The following LRMDA variants were observed in gnomAD, a reference collection of about 807,000 sequenced individuals.
The protein encoded by LRMDA is leucine rich melanocyte differentiation associated.
A neutral mutation model predicts 29.8 loss-of-function variants in LRMDA; 18 were observed. The observed-to-expected ratio is 0.60, with a 90% CI of 0.42 to 0.90. The LOEUF is 0.90. Among genes scored for constraint, LRMDA ranks in the 40% least tolerant of loss-of-function variants. The pLI is 0.00. For synonymous variants in LRMDA, 125 were observed against 109.4 expected, an observed-to-expected ratio of 1.14 and a Z score of -0.89; for missense variants, 273 against 273.9, an observed-to-expected ratio of 1.00 and a Z score of 0.02.
intron 5 of LRMDA, among the ~76,000 whole-genome samples, chr10:76,187,712 A>G (rs1330950372): frequency 6.6e-6 from 1 of 152,058 alleles, no homozygotes; most frequent in Non-Finnish European, 1.5e-5. Context: ...TGGGGCATGA[A>G]CCTGCCAAGA....
chr10:75,456,260 G>A (rs1289155303), intron 2 of LRMDA, among the ~76,000 whole-genome samples: 6 of 152,242 alleles, frequency 3.9e-5, no homozygotes, highest in African/African-American at 2.4e-5. Context: ...GCTGTTAGAA[G>A]GGTCACGGTT....
At chr10:75,470,643 C>T (rs186764577) in intron 2 of LRMDA, among the ~76,000 whole-genome samples, 4 of 152,262 alleles carry the variant, frequency 2.6e-5, no homozygotes, top group Non-Finnish European at 4.4e-5. Context: ...CTGGCTGTGG[C>T]GTGGATGATG....
intron 5 of LRMDA, among the ~76,000 whole-genome samples, chr10:76,109,127 A>G (rs1248693726): frequency 6.6e-6 from 1 of 152,158 alleles, no homozygotes; most frequent in Non-Finnish European, 1.5e-5. Flanking sequence ...TCAGTGCTGT[A>G]GGGCCTTAGA....
chr10:75,534,923 A>G (rs929160603), intron 2 of LRMDA, among the ~76,000 whole-genome samples: 1 of 152,212 alleles, frequency 6.6e-6, no homozygotes, highest in African/African-American at 2.4e-5. Flanking sequence ...ACTATACACC[A>G]GAATTTCTCT....
At chr10:76,232,307 G>A (rs1458906491) in intron 5 of LRMDA, among the ~76,000 whole-genome samples, 1 of 152,140 alleles carries the variant, frequency 6.6e-6, no homozygotes, top group Non-Finnish European at 1.5e-5. Flanking sequence ...TGCCCTCTGA[G>A]AGTTTGATAA....
chr10:75,721,176 C>T (rs1488291762), intron 2 of LRMDA, among the ~76,000 whole-genome samples: 1 of 152,180 alleles, frequency 6.6e-6, no homozygotes, highest in African/African-American at 2.4e-5. Flanking sequence ...TTGGACCAAA[C>T]AGTTTCAAAG....
intron 5 of LRMDA, among the ~76,000 whole-genome samples, chr10:76,150,264 G>A (rs1376078681): frequency 2.6e-5 from 4 of 152,224 alleles, no homozygotes; most frequent in African/African-American, 4.8e-5. Flanking sequence ...ACTCTGAGGC[G>A]TGGACAGGCC....
intron 2 of LRMDA, among the ~76,000 whole-genome samples, chr10:75,989,128 A>G (rs1847314782): frequency 6.6e-6 from 1 of 152,194 alleles, no homozygotes; most frequent in Admixed American, 6.5e-5. Context: ...CGTTGTAGTC[A>G]TTGGGGTATC....
chr10:75,802,976 T>A lies in LRMDA; in HGVS notation c.132-233032T>A, dbSNP rs1245410975. 4.4e-3 allele frequency among the ~76,000 whole-genome samples: 630 copies of A among 141,920 alleles called. 4 individuals are homozygous for A. The highest frequency in any genetic ancestry group is 0.015 in the African/African-American group (586 of 38,690). The allele number at this position is 141,920 out of a possible 152,430, so 93.1% of individuals were successfully genotyped here. A position where few individuals can be genotyped will look rare whatever the true frequency, so the allele number is the denominator to read the frequency against. ...TGTGTATATATATATATATATATTT[T>A]TTTTTTTTTCTTAGCTCCCTTTACT... On this transcript the variant is annotated intron_variant, in intron 2 of 6. Transcript: ENST00000611255.
chr10:76,207,062 A>C (rs1851549901), intron 5 of LRMDA, among the ~76,000 whole-genome samples: 1 of 152,248 alleles, frequency 6.6e-6, no homozygotes, highest in Non-Finnish European at 1.5e-5. Flanking sequence ...GTGGTCAGGC[A>C]GAGCTGGGAT....
At chr10:76,415,315 A>G (rs981532733) in intron 6 of LRMDA, among the ~76,000 whole-genome samples, 10 of 152,230 alleles carry the variant, frequency 6.6e-5, no homozygotes, top group Admixed American at 6.5e-4. Context: ...AAGACCTGCT[A>G]CAAGGGCTTT....
At chr10:75,985,794 A>C (rs1162457863) in intron 2 of LRMDA, among the ~76,000 whole-genome samples, 1 of 152,200 alleles carries the variant, frequency 6.6e-6, no homozygotes, top group East Asian at 1.9e-4. Context: ...ATGTGAATGC[A>C]CACTGGGCAG....
chr10:75,637,850 G>A (rs912026784), intron 2 of LRMDA, among the ~76,000 whole-genome samples: 2 of 152,140 alleles, frequency 1.3e-5, no homozygotes, highest in Admixed American at 6.5e-5. Flanking sequence ...CGGCTGGCAG[G>A]AACCTGGACG....
At chr10:75,634,861 A>C (rs906387486) in intron 2 of LRMDA, among the ~76,000 whole-genome samples, 1 of 152,234 alleles carries the variant, frequency 6.6e-6, no homozygotes, top group Non-Finnish European at 1.5e-5. Context: ...ACAAATACCT[A>C]CAAATTCAGA....
chr10:76,214,920 A>G (rs142279593), intron 5 of LRMDA, among the ~76,000 whole-genome samples: 134 of 152,332 alleles, frequency 8.8e-4, no homozygotes, highest in African/African-American at 3.1e-3. Flanking sequence ...AACTCTCCAT[A>G]AATTCTGCCT....
At chr10:75,538,732 A>G (rs1226745623) in intron 2 of LRMDA, among the ~76,000 whole-genome samples, 1 of 152,190 alleles carries the variant, frequency 6.6e-6, no homozygotes, top group Non-Finnish European at 1.5e-5. Context: ...ACAAGCAAGT[A>G]TTAGGAAAAG....
intron 6 of LRMDA, among the ~76,000 whole-genome samples, chr10:76,526,578 G>A (rs764393138): frequency 1.3e-5 from 2 of 152,104 alleles, no homozygotes; most frequent in Admixed American, 6.5e-5. Context: ...AGTAGAGGAA[G>A]GCAGGATAAA....
chr10:76,543,091 T>C (rs1207058686), intron 6 of LRMDA, among the ~76,000 whole-genome samples: 5 of 152,134 alleles, frequency 3.3e-5, no homozygotes, highest in Non-Finnish European at 7.4e-5. Context: ...ACCATAGTGC[T>C]GATTTTCCTT....
chr10:76,281,568 C>G (rs147003774), intron 5 of LRMDA, among the ~76,000 whole-genome samples: 1 of 152,158 alleles, frequency 6.6e-6, no homozygotes. Context: ...CTACCATTCC[C>G]CCAACCCCCC....
Sources: allele counts gnomAD v4.1 joint callset (sites outside exome capture counted in the v4.1 genomes callset), GRCh38; gene constraint gnomAD v4.1.1; transcripts MANE v1.5; gene names NCBI Gene and HGNC (gene_info 2026-07-23, HGNC 2026-07-21).